Variants in MAPK6 observed in about 807,000 individuals in gnomAD.
MAPK6 encodes the protein ERK-3.
In MAPK6, 19 loss-of-function variants were observed where a neutral mutation model predicts 59.3. That is an observed-to-expected ratio of 0.32 (90% CI 0.22 to 0.47). MAPK6 has a LOEUF of 0.47. Ranked by LOEUF, MAPK6 falls within the 20% of genes least tolerant of loss-of-function variation. The probability of loss-of-function intolerance (pLI) is 1.00; values close to 1 mark genes in which losing one functional copy is unlikely to be tolerated. For missense variants in MAPK6, 724 were observed against 847.9 expected, an observed-to-expected ratio of 0.85 and a Z score of 1.81; for synonymous variants, 316 against 290.3, an observed-to-expected ratio of 1.09 and a Z score of -0.90.
At position 52,046,299 on chromosome 15, in the gene MAPK6, G is replaced by A; in HGVS notation, c.-162G>A. On this transcript the variant is annotated 5_prime_UTR_variant, in exon 2 of 6. Transcript: ENST00000261845. ...TTTAAATCTAAGGGGAACTCGACAG[G>A]CCTGTTTGGCATATGCAATGAACAT... The A allele has an allele frequency of 1.8e-5, 11 of 601,098 alleles. No homozygotes were observed. Among genetic ancestry groups the A allele is most frequent in the Non-Finnish European group, 1.2e-5 (4 of 342,878 alleles). The allele number at this position is 601,098 out of a possible 1,614,324, so 37.2% of individuals were successfully genotyped here.
intron 1 of MAPK6, among the ~76,000 whole-genome samples, chr15:52,032,251 T>A (rs2031067069): frequency 7.0e-6 from 1 of 143,660 alleles, no homozygotes; most frequent in Non-Finnish European, 1.5e-5. Context: ...AGTGCAGTGG[T>A]GCAATCTCGG....
At chr15:52,016,949 C>T (rs1015875832), upstream of MAPK6, among the ~76,000 whole-genome samples, 2 of 152,108 alleles carry the variant, frequency 1.3e-5, no homozygotes, top group African/African-American at 2.4e-5. Context: ...GAGGCTGAGG[C>T]GGGGGAATCG....
intron 1 of MAPK6, among the ~76,000 whole-genome samples, chr15:52,037,050 A>G (rs2031266545): frequency 6.6e-6 from 1 of 152,126 alleles, no homozygotes; most frequent in South Asian, 2.1e-4. Context: ...TAATTCCAGC[A>G]CTTTGGAAGA....
chr15:52,058,356 C>A (rs1382965091), intron 3 of MAPK6, among the ~76,000 whole-genome samples: 1 of 151,036 alleles, frequency 6.6e-6, no homozygotes, highest in South Asian at 2.1e-4. Context: ...ATCTCAGTTG[C>A]TTTTTTTTTC....
At chr15:52,027,316 C>T (rs1015410145) in intron 1 of MAPK6, among the ~76,000 whole-genome samples, 1 of 111,092 alleles carries the variant, frequency 9.0e-6, no homozygotes, top group Admixed American at 1.5e-4. Flanking sequence ...TGCCACTGTA[C>T]TCCAGGCTGG....
chr15:51,983,828 T>G (rs2057182134), intron 2 of MAPK6, among the ~76,000 whole-genome samples: 1 of 152,000 alleles, frequency 6.6e-6, no homozygotes, highest in Non-Finnish European at 1.5e-5. Context: ...AAAATAATAA[T>G]AAGACAGCCT....
intron 5 of MAPK6, among the ~76,000 whole-genome samples, chr15:52,063,096 T>G (rs2032269156): frequency 6.6e-6 from 1 of 152,116 alleles, no homozygotes; most frequent in Admixed American, 6.6e-5. Context: ...TGAGACGGAG[T>G]CTCACTCTGT....
intron 1 of MAPK6, among the ~76,000 whole-genome samples, chr15:52,044,177 TGGG>T (rs965744003): frequency 6.6e-6 from 1 of 151,472 alleles, no homozygotes; most frequent in Non-Finnish European, 1.5e-5. Flanking sequence ...ACTTTTTTTT[TGGG>T]GGGGCGGGCT....
In MAPK6 at chr15:52,061,354, A is replaced by G; in HGVS notation, c.921A>G (p.Ala307=). Residue 307 remains alanine (A), a synonymous_variant, in exon 5 of 6, where the codon GCA becomes GCG. Coordinates refer to ENST00000261845, the MANE Select transcript of MAPK6 (RefSeq NM_002748.4). ...LTFSPMDRLT[A]EEALSHPYMS... ...TTAGCCCCATGGATCGGTTAACAGC[A>G]GAAGAAGCACTCTCCCATCCTTACA... 6.2e-7 allele frequency: 1 copy of G among 1,614,186 alleles called. No individual in the cohort carries two copies. The highest frequency in any genetic ancestry group is 8.5e-7 in the Non-Finnish European group (1 of 1,180,000).
At chr15:52,016,730 C>T (rs1336996905), upstream of MAPK6, among the ~76,000 whole-genome samples, 1 of 152,076 alleles carries the variant, frequency 6.6e-6, no homozygotes, top group Non-Finnish European at 1.5e-5. Flanking sequence ...ATCAGGACCC[C>T]TCACTGAAAA....
chr15:52,011,701 C>G (rs894637777), intron 3 of MAPK6, among the ~76,000 whole-genome samples: 3 of 152,182 alleles, frequency 2.0e-5, no homozygotes, highest in Non-Finnish European at 4.4e-5. Flanking sequence ...CACTAATTTA[C>G]TGTTCATGAT....
intron 1 of MAPK6, among the ~76,000 whole-genome samples, chr15:52,033,340 G>A (rs183307832): frequency 6.6e-6 from 1 of 152,118 alleles, no homozygotes; most frequent in East Asian, 1.9e-4. Context: ...AGTGTGGGTG[G>A]GCACCATCCA....
intron 1 of MAPK6, among the ~76,000 whole-genome samples, chr15:51,971,974 G>C (rs188877233): frequency 6.6e-6 from 1 of 152,070 alleles, no homozygotes; most frequent in Admixed American, 6.6e-5. Flanking sequence ...TTACCAGGGG[G>C]CGGGGGGGTC....
chr15:52,060,938 A>C (rs745910195), intron 4 of MAPK6, among the ~76,000 whole-genome samples: 6 of 152,230 alleles, frequency 3.9e-5, no homozygotes, highest in Non-Finnish European at 8.8e-5. Flanking sequence ...TTAGTAGCCT[A>C]TCCAGCACTA....
At chr15:51,981,357 C>T (rs926911754) in intron 1 of MAPK6, among the ~76,000 whole-genome samples, 4 of 151,730 alleles carry the variant, frequency 2.6e-5, no homozygotes, top group African/African-American at 9.7e-5. Context: ...CCTGTAGTCC[C>T]AGCTACTCCG....
At chr15:52,016,252 T>C (rs2030267308), upstream of MAPK6, among the ~76,000 whole-genome samples, 1 of 150,724 alleles carries the variant, frequency 6.6e-6, no homozygotes, top group African/African-American at 2.4e-5. Flanking sequence ...TAGCTGGGCA[T>C]GTGGTGCACA....
intron 3 of MAPK6, among the ~76,000 whole-genome samples, chr15:52,009,132 A>G (rs1009671818): frequency 6.6e-6 from 1 of 152,224 alleles, no homozygotes; most frequent in African/African-American, 2.4e-5. Flanking sequence ...TGACTACTGA[A>G]GTGCAAAGGG....
chr15:52,012,735 TC>T (rs969679615), intron 3 of MAPK6, among the ~76,000 whole-genome samples: 14 of 151,840 alleles, frequency 9.2e-5, no homozygotes, highest in African/African-American at 3.4e-4. Context: ...ACACCTGTAA[TC>T]CCAGCACTTT....
intron 5 of MAPK6, among the ~76,000 whole-genome samples, chr15:52,061,987 A>G (rs2032222112): frequency 6.6e-6 from 1 of 152,120 alleles, no homozygotes. Context: ...AGACTCAGTC[A>G]TATCCAATAA....
Sources: allele counts gnomAD v4.1 joint callset (sites outside exome capture counted in the v4.1 genomes callset), GRCh38; gene constraint gnomAD v4.1.1; transcripts MANE v1.5; gene names NCBI Gene and HGNC (gene_info 2026-07-23, HGNC 2026-07-21).